The following CTDSP2 variants were observed in gnomAD, a reference collection of about 807,000 sequenced individuals.
The protein encoded by CTDSP2 is carboxy-terminal domain RNA polymerase II polypeptide A small phosphatase 2.
A neutral mutation model predicts 31.6 loss-of-function variants in CTDSP2; 9 were observed. The ratio of observed to expected loss-of-function variants is 0.28; its 90% CI spans 0.17 to 0.50. CTDSP2 has a LOEUF of 0.50. Among genes scored for constraint, CTDSP2 ranks in the 20% least tolerant of loss-of-function variants. CTDSP2 has a pLI of 0.98. For synonymous variants in CTDSP2, 134 were observed against 134.5 expected (o/e 1.00, Z 0.03); for missense variants, 267 against 348.5 (o/e 0.77, Z 1.86).
At position 57,823,398 on chromosome 12, in the gene CTDSP2, T is replaced by C. The variant is rs916072191; in HGVS notation, c.*204A>G. On this transcript the variant is annotated 3_prime_UTR_variant, in exon 8 of 8. Transcript: ENST00000398073. ...ACAGTCAAACACACATCTCAACAAG[T>C]TGGCGGCAGGTAGCTCTGGGTATCA... is the stretch of plus-strand genomic sequence containing the variant. The C allele has an allele frequency of 5.0e-6, 3 of 598,166 alleles. No homozygotes were observed. The highest frequency in any genetic ancestry group is 3.7e-5 in the African/African-American group (2 of 53,862). The allele number at this position is 598,166 out of a possible 1,614,324, so 37.1% of individuals were successfully genotyped here. A position where few individuals can be genotyped will look rare whatever the true frequency, so the allele number is the denominator to read the frequency against.
At chr12:57,843,319 T>C (rs985344730) in intron 1 of CTDSP2, among the ~76,000 whole-genome samples, 2 of 152,204 alleles carry the variant, frequency 1.3e-5, no homozygotes, top group African/African-American at 4.8e-5. Context: ...CAAGCTGATA[T>C]TAACATTTCT....
At position 57,820,913 on chromosome 12, in the gene CTDSP2, T is replaced by C. The variant is rs1390563963; in HGVS notation, c.*2689A>G. On this transcript the variant is annotated 3_prime_UTR_variant, in exon 8 of 8. Coordinates refer to ENST00000398073, the MANE Select transcript of CTDSP2 (RefSeq NM_005730.4). ...CCTTAAAAGAACTGAACCTGGCAGGTAGGCAGATTCCTGGCATGGCTTGAA... is the reference window on the plus strand; with the variant it reads ...CCTTAAAAGAACTGAACCTGGCAGGCAGGCAGATTCCTGGCATGGCTTGAA... 6.6e-6 allele frequency: 1 copy of C among 152,190 alleles called. No individual in the cohort carries two copies. Among genetic ancestry groups the C allele is most frequent in the Non-Finnish European group, 1.5e-5 (1 of 68,046 alleles). 9.4% of individuals were successfully genotyped at this position (152,190 alleles called of 1,614,324 possible). A position where few individuals can be genotyped will look rare whatever the true frequency, so the allele number is the denominator to read the frequency against.
intron 1 of CTDSP2, among the ~76,000 whole-genome samples, chr12:57,844,212 A>G (rs1956299504): frequency 6.6e-6 from 1 of 152,238 alleles, no homozygotes; most frequent in African/African-American, 2.4e-5. Flanking sequence ...ATAAAAAATT[A>G]CATGGGGAGG....
chr12:57,839,545 C>T (rs764556603), intron 1 of CTDSP2, among the ~76,000 whole-genome samples: 23 of 152,024 alleles, frequency 1.5e-4, no homozygotes, highest in Admixed American at 5.2e-4. Context: ...AGTGAAACCG[C>T]GTCTCTACTA....
intron 5 of CTDSP2, among the ~76,000 whole-genome samples, chr12:57,825,519 T>A (rs1204351358): frequency 6.6e-6 from 1 of 152,234 alleles, no homozygotes; most frequent in Non-Finnish European, 1.5e-5. Flanking sequence ...TACAAGGGTT[T>A]AGCACATCCC....
chr12:57,820,869 C>G lies in CTDSP2; in HGVS notation c.*2733G>C, dbSNP rs539530526. 3 of 152,362 alleles carry G rather than the reference C, an allele frequency of 2.0e-5. No individual in the cohort carries two copies. The East Asian group carries it at 5.8e-4, about 29-fold the overall frequency. 9.4% of individuals were successfully genotyped at this position (152,362 alleles called of 1,614,324 possible). On this transcript the variant is annotated 3_prime_UTR_variant, in exon 8 of 8. Coordinates refer to ENST00000398073, the MANE Select transcript of CTDSP2 (RefSeq NM_005730.4). ...TTAGAAGCCCAATCAGAGAGACACA[C>G]TGTGTCCCTGAAGAGGCACCTTAAA...
intron 1 of CTDSP2, among the ~76,000 whole-genome samples, chr12:57,844,483 C>T (rs1192759355): frequency 2.6e-5 from 4 of 152,156 alleles, no homozygotes; most frequent in Non-Finnish European, 4.4e-5. Context: ...AAGAGAGTCC[C>T]TGCAAGAGAG....
chr12:57,830,818 G>A lies in CTDSP2; in HGVS notation c.65-1222C>T, dbSNP rs184016039. ...GGCTGGAGTGCAATGGAGCGATCTC[G>A]GCTCACCACAACCTCCACCTCCTGG... On this transcript the variant is annotated intron_variant, in intron 1 of 7. Transcript: ENST00000398073. 3.9e-3 allele frequency among the ~76,000 whole-genome samples: 598 copies of A among 151,920 alleles called. 17 individuals carry two copies. The South Asian group carries it at 0.071, about 18-fold the overall frequency.
chr12:57,829,733 C>G, intron 1 of CTDSP2, 137 bp from the exon 2 acceptor site: 1 of 635,906 alleles, frequency 1.6e-6, no homozygotes, highest in East Asian at 2.7e-5. Context: ...CAACCACATA[C>G]AGTTAACAGT....
At chr12:57,835,080 G>A (rs1226018024) in intron 1 of CTDSP2, among the ~76,000 whole-genome samples, 3 of 149,656 alleles carry the variant, frequency 2.0e-5, no homozygotes, top group East Asian at 4.0e-4. Context: ...TAGAGATCAT[G>A]CCATTGCACT....
chr12:57,824,764 C>T, intron 5 of CTDSP2: 1 of 491,508 alleles, frequency 2.0e-6, no homozygotes, highest in South Asian at 1.5e-5. Flanking sequence ...ATGAATTGCA[C>T]CAGGGAGAAG....
chr12:57,826,297 G>A (rs748072886), intron 5 of CTDSP2, 49 bp downstream of exon 5: 13 of 1,582,488 alleles, frequency 8.2e-6, no homozygotes, highest in Admixed American at 3.3e-5. Flanking sequence ...TGAGGCAGAA[G>A]GCAGACCCCC....
rs1956165685 is a variant in CTDSP2, at chr12:57,823,928, A to C, written c.666T>G (p.Ser222=). ...KTLILDNSPA[S]YIFHPENAVP... is the part of the protein sequence containing the mutation. ...CTGCATTCTCGGGGTGGAATATGTA[A>C]GAAGCAGGCGAGTTGTCCAGGATGA... Residue 222 remains serine (S), a synonymous_variant, in exon 7 of 8, where the codon TCT becomes TCG. Transcript: ENST00000398073. 1.1e-5 allele frequency: 17 copies of C among 1,614,052 alleles called. No homozygotes were observed. In the East Asian group the frequency reaches 3.6e-4, roughly 34 times the overall value.
At chr12:57,830,031 G>T (rs1956205388) in intron 1 of CTDSP2, among the ~76,000 whole-genome samples, 1 of 152,192 alleles carries the variant, frequency 6.6e-6, no homozygotes, top group Admixed American at 6.5e-5. Flanking sequence ...GTTCTGTTTA[G>T]CATCAGCTTC....
intron 1 of CTDSP2, among the ~76,000 whole-genome samples, chr12:57,844,475 G>A (rs1483397245): frequency 6.6e-6 from 1 of 152,142 alleles, no homozygotes; most frequent in South Asian, 2.1e-4. Flanking sequence ...CTCCCTGCAA[G>A]AGAGTCCCTG....
intron 5 of CTDSP2, 105 bp from the exon 6 acceptor site, chr12:57,824,424 C>T (rs1329241004): frequency 5.9e-6 from 5 of 852,408 alleles, no homozygotes; most frequent in South Asian, 2.8e-5. Flanking sequence ...TCAACCCCTG[C>T]AGCCCAGCCT....
chr12:57,840,165 T>C (rs1051560460), intron 1 of CTDSP2, among the ~76,000 whole-genome samples: 4 of 152,146 alleles, frequency 2.6e-5, no homozygotes, highest in African/African-American at 4.8e-5. Flanking sequence ...CAAGGAGCAT[T>C]TGGAACACAT....
intron 3 of CTDSP2, 94 bp downstream of exon 3, chr12:57,827,458 G>T: frequency 7.3e-7 from 1 of 1,373,352 alleles, no homozygotes; most frequent in Non-Finnish European, 1.0e-6. Context: ...TGGCTGGCTA[G>T]GCACCAAGGA....
chr12:57,837,957 G>A (rs1271576047), intron 1 of CTDSP2, among the ~76,000 whole-genome samples: 1 of 152,134 alleles, frequency 6.6e-6, no homozygotes, highest in Non-Finnish European at 1.5e-5. Context: ...TGCCCCTTCA[G>A]CAATCTGTTC....
Sources: allele counts gnomAD v4.1 joint callset (sites outside exome capture counted in the v4.1 genomes callset), GRCh38; gene constraint gnomAD v4.1.1; transcripts MANE v1.5; gene names NCBI Gene and HGNC (gene_info 2026-07-23, HGNC 2026-07-21).